The following CATSPERB variants were observed in gnomAD, a reference collection of about 807,000 sequenced individuals.
CATSPERB encodes catsper channel auxiliary subunit beta.
A neutral mutation model predicts 128.3 loss-of-function variants in CATSPERB; 93 were observed. The ratio of observed to expected loss-of-function variants is 0.72; its 90% CI spans 0.61 to 0.86. The LOEUF (loss-of-function observed/expected upper bound fraction) is 0.86. Among genes scored for constraint, CATSPERB ranks in the 40% least tolerant of loss-of-function variants. CATSPERB has a pLI of 0.00. For missense variants in CATSPERB, 1,153 were observed against 1,329.5 expected (o/e 0.87, Z 2.06); for synonymous variants, 381 against 448.8 (o/e 0.85, Z 1.91).
In CATSPERB at chr14:91,712,662, GTATT is replaced by G. The variant is rs772920503; in HGVS notation, c.371-4430_371-4427del. Among the ~76,000 whole-genome samples, 190 of 152,232 alleles carry G rather than the reference GTATT, an allele frequency of 1.2e-3. 1 individual carries two copies. Among genetic ancestry groups the G allele is most frequent in the Non-Finnish European group, 1.7e-3 (117 of 68,024 alleles). Reference sequence around the variant, plus strand: ...ATTTTTACTTTATAATAATTTGTAAGTATTCATTCATTCATTTTCTAGCCTGCTT... The same window carrying G: ...ATTTTTACTTTATAATAATTTGTAAGCATTCATTCATTTTCTAGCCTGCTT... On this transcript the variant is annotated intron_variant, in intron 5 of 26. Transcript: ENST00000256343.
chr14:91,592,724 T>C (rs904362482), intron 22 of CATSPERB, among the ~76,000 whole-genome samples: 2 of 152,116 alleles, frequency 1.3e-5, no homozygotes, highest in African/African-American at 4.8e-5. Context: ...GACTATGCAA[T>C]AGAAAAGAAA....
chr14:91,622,022 A>G, intron 18 of CATSPERB, 85 bp from the exon 19 acceptor site: 1 of 856,574 alleles, frequency 1.2e-6, no homozygotes. Context: ...TAACAAATAC[A>G]CTGTTTGAGT....
chr14:91,713,386 T>C (rs769132914), intron 5 of CATSPERB, among the ~76,000 whole-genome samples: 2 of 152,008 alleles, frequency 1.3e-5, no homozygotes, highest in Non-Finnish European at 2.9e-5. Flanking sequence ...ACACAATTAA[T>C]GAAATCAAAA....
At chr14:91,621,139 C>T (rs887854054) in intron 19 of CATSPERB, among the ~76,000 whole-genome samples, 9 of 152,156 alleles carry the variant, frequency 5.9e-5, no homozygotes, top group African/African-American at 9.7e-5. Flanking sequence ...AGGTGGCTCA[C>T]GCCTGTAATC....
At position 91,589,608 on chromosome 14, in the gene CATSPERB, T is replaced by C; in HGVS notation, c.2882A>G (p.Asp961Gly). Residue 961 changes from aspartate to glycine, a missense_variant, in exon 24 of 27, where the codon GAT becomes GGT. Transcript: ENST00000256343. Reference protein sequence around the residue: ...YPVSLEIINEDGRVPLQSPYL... With the variant: ...YPVSLEIINEGGRVPLQSPYL... ...TGGAGATTGCAATGGGACACGTCCA[T>C]CCTCGTTGATAATTTCCAAAGAAAC... 1 of 1,613,946 alleles carries C rather than the reference T, an allele frequency of 6.2e-7. No homozygotes were observed. Among genetic ancestry groups the C allele is most frequent in the Non-Finnish European group, 8.5e-7 (1 of 1,179,802 alleles).
intron 15 of CATSPERB, among the ~76,000 whole-genome samples, chr14:91,656,622 G>T (rs1462451438): frequency 6.6e-6 from 1 of 151,912 alleles, no homozygotes; most frequent in Admixed American, 6.5e-5. Flanking sequence ...AAAACAATCA[G>T]AAAAAAATGA....
At position 91,674,240 on chromosome 14, in the gene CATSPERB, G is replaced by T; in HGVS notation, c.932-18C>A. 7 of 1,502,766 alleles carry T rather than the reference G, an allele frequency of 4.7e-6. No individual in the cohort carries two copies. The highest frequency in any genetic ancestry group is 6.4e-6 in the Non-Finnish European group (7 of 1,088,130). The allele number at this position is 1,502,766 out of a possible 1,614,324, so 93.1% of individuals were successfully genotyped here. On this transcript the variant is annotated intron_variant, in intron 11 of 26. Transcript: ENST00000256343. The stretch of plus-strand genomic sequence containing the variant: ...ATAATCAACTGTGAAATAAATACAA[G>T]GGTACAGGAATTATGAGCATATCTG...
chr14:91,714,555 CTTTTTTTTTTTTT>C (rs56965295), intron 5 of CATSPERB, among the ~76,000 whole-genome samples: 1 of 88,022 alleles, frequency 1.1e-5, no homozygotes, highest in East Asian at 3.4e-4. Flanking sequence ...CCATAAACTA[CTTTTTTTTTTTTT>C]TTTTTTTTTG....
At chr14:91,693,311 A>T (rs1030497647) in intron 8 of CATSPERB, 67 bp from the exon 9 acceptor site, 1 of 1,541,632 alleles carries the variant, frequency 6.5e-7, no homozygotes, top group African/African-American at 1.4e-5. Context: ...TGAAGCAAAG[A>T]CATTTTATAG....
At chr14:91,723,890 T>C (rs1464745887) in intron 3 of CATSPERB, among the ~76,000 whole-genome samples, 3 of 151,992 alleles carry the variant, frequency 2.0e-5, no homozygotes, top group Non-Finnish European at 2.9e-5. Flanking sequence ...GATGGATTGG[T>C]AGAGAATGAA....
chr14:91,723,211 A>AT, intron 3 of CATSPERB, 22 bp from the exon 4 acceptor site: 1 of 1,482,624 alleles, frequency 6.7e-7, no homozygotes, highest in Non-Finnish European at 8.9e-7. Context: ...CAAGAAAAAA[A>AT]AAAACAACTA....
intron 14 of CATSPERB, among the ~76,000 whole-genome samples, chr14:91,668,571 A>T (rs186542080): frequency 6.6e-6 from 1 of 152,196 alleles, no homozygotes; most frequent in Non-Finnish European, 1.5e-5. Context: ...GACCCCTTCC[A>T]TGCTGTGGAA....
At chr14:91,587,306 C>A (rs771643963) in intron 25 of CATSPERB, 30 bp from the exon 26 acceptor site, 8 of 1,526,956 alleles carry the variant, frequency 5.2e-6, no homozygotes, top group Non-Finnish European at 7.2e-6. Context: ...CAGTTGTTAG[C>A]AGCATCAACA....
chr14:91,702,672 G>GAA (rs965483771), intron 7 of CATSPERB, among the ~76,000 whole-genome samples: 1 of 45,060 alleles, frequency 2.2e-5, no homozygotes, highest in African/African-American at 6.9e-5. Flanking sequence ...ACACAAAAAA[G>GAA]AAAACACACA....
chr14:91,670,255 CCAGA>C (rs1456965859), intron 13 of CATSPERB, among the ~76,000 whole-genome samples: 4 of 152,172 alleles, frequency 2.6e-5, no homozygotes, highest in Admixed American at 2.6e-4. Flanking sequence ...GCTGAACTTG[CCAGA>C]CAGACTCCAA....
rs1019028253 is a variant in CATSPERB at position 91,587,127 on chromosome 14, G to A, written c.3132+75C>T. On this transcript the variant is annotated intron_variant, in intron 26 of 26. Coordinates refer to ENST00000256343, the MANE Select transcript of CATSPERB (RefSeq NM_024764.4). ...CAAATTCTGCCAATTTTTTCTCTTC[G>A]GTGTCTCTTGAATTGGTTTTGTCAT... is the stretch of plus-strand genomic sequence containing the variant. 1.9e-5 allele frequency: 22 copies of A among 1,175,352 alleles called. 1 individual carries two copies. The highest frequency in any genetic ancestry group is 5.9e-5 in the South Asian group (4 of 67,338). 72.8% of individuals were successfully genotyped at this position (1,175,352 alleles called of 1,614,324 possible).
rs190345405 is a variant in CATSPERB, at chr14:91,614,182, A to T, written c.2400+3415T>A. Among the ~76,000 whole-genome samples, 16 of 152,290 alleles carry T rather than the reference A, an allele frequency of 1.1e-4. No individual in the cohort carries two copies. In the East Asian group the frequency reaches 3.1e-3, roughly 29 times the overall value. On this transcript the variant is annotated intron_variant, in intron 20 of 26. Coordinates refer to ENST00000256343, the MANE Select transcript of CATSPERB (RefSeq NM_024764.4). ...CTCAAAACAACCATGTGAAGTAGGT[A>T]TATTGTCACCTCCATTTTACAGATG...
chr14:91,671,892 G>A (rs535873554), intron 13 of CATSPERB, among the ~76,000 whole-genome samples: 12 of 151,896 alleles, frequency 7.9e-5, no homozygotes, highest in Non-Finnish European at 1.3e-4. Context: ...GGTGGCGGGC[G>A]CCTGTAGTCC....
Position 91,691,520 on chromosome 14 carries a change from T to TA in CATSPERB, c.864+2dup. The TA allele has an allele frequency of 6.2e-7, 1 of 1,602,172 alleles. No homozygotes were observed. The highest frequency in any genetic ancestry group is 1.3e-5 in the African/African-American group (1 of 74,518). On this transcript the variant is annotated splice_region_variant and intron_variant, in intron 10 of 26. Transcript: ENST00000256343. ...CAGCCCTGGGAAATATAAAGCTTCT[T>TA]ACCCTTTCAAAACCACAAAAGTCTG...
Sources: allele counts gnomAD v4.1 joint callset (sites outside exome capture counted in the v4.1 genomes callset), GRCh38; gene constraint gnomAD v4.1.1; transcripts MANE v1.5; gene names NCBI Gene and HGNC (gene_info 2026-07-23, HGNC 2026-07-21).